Variants in NKAIN1 observed in about 807,000 individuals in gnomAD.
NKAIN1 encodes the protein sodium/potassium-transporting ATPase subunit beta-1-interacting protein 1.
Under a neutral mutation model 31.6 loss-of-function variants are expected in NKAIN1, and 13 were observed. The observed-to-expected ratio is 0.41, with a 90% CI of 0.27 to 0.65. The LOEUF (loss-of-function observed/expected upper bound fraction) is 0.65, where lower values mean the gene tolerates loss of function less well. NKAIN1 is among the 30% of genes least tolerant of loss of function. NKAIN1 has a pLI of 0.30. For missense variants in NKAIN1, 193 were observed against 262.2 expected (o/e 0.74, Z 1.82); for synonymous variants, 104 against 109.0 (o/e 0.95, Z 0.28).
intron 1 of NKAIN1, among the ~76,000 whole-genome samples, chr1:31,226,190 C>T (rs1645602924): frequency 6.6e-6 from 1 of 152,258 alleles, no homozygotes; most frequent in African/African-American, 2.4e-5. Context: ...CGTCAAGCAA[C>T]TTGCCCAGCA....
In NKAIN1 at chr1:31,200,099, A is replaced by ACACG. The variant is rs546822287; in HGVS notation, c.55-11916_55-11913dup. Among the ~76,000 whole-genome samples the ACACG allele has an allele frequency of 2.0e-4, 30 of 152,132 alleles. No individual in the cohort carries two copies. In the East Asian group the frequency reaches 4.6e-3, roughly 24 times the overall value. ...CACATGCGCGCACACGCATTCACAC[A>ACACG]CACGCACGCACGCACACCCCTCTCT... On this transcript the variant is annotated intron_variant, in intron 1 of 6. Coordinates refer to ENST00000373736, the MANE Select transcript of NKAIN1 (RefSeq NM_024522.3).
chr1:31,182,664 T>C, intron 4 of NKAIN1, 74 bp from the exon 5 acceptor site: 2 of 1,550,316 alleles, frequency 1.3e-6, no homozygotes, highest in South Asian at 1.1e-5. Context: ...CCGGGCCCTG[T>C]ACGCTCTGAC....
chr1:31,213,807 C>CA (rs1323797902), intron 1 of NKAIN1, among the ~76,000 whole-genome samples: 1 of 151,800 alleles, frequency 6.6e-6, no homozygotes, highest in African/African-American at 2.4e-5. Flanking sequence ...CCAGCCTGGG[C>CA]AATACAGGGA....
At chr1:31,207,114 A>G (rs866111627) in intron 1 of NKAIN1, among the ~76,000 whole-genome samples, 1 of 152,202 alleles carries the variant, frequency 6.6e-6, no homozygotes, top group Non-Finnish European at 1.5e-5. Context: ...CCTTGGTTTC[A>G]TACCAAGATC....
chr1:31,238,103 G>T (rs1412509064), intron 1 of NKAIN1, among the ~76,000 whole-genome samples: 1 of 152,174 alleles, frequency 6.6e-6, no homozygotes, highest in African/African-American at 2.4e-5. Flanking sequence ...GGCCAGTGGG[G>T]GGAAGTCACT....
At chr1:31,203,582 G>A (rs569883078) in intron 1 of NKAIN1, among the ~76,000 whole-genome samples, 2 of 108,600 alleles carry the variant, frequency 1.8e-5, no homozygotes, top group African/African-American at 2.9e-5. Flanking sequence ...TTACATCGAG[G>A]AGTAATTTTT....
intron 1 of NKAIN1, among the ~76,000 whole-genome samples, chr1:31,230,345 C>A (rs1045264902): frequency 2.0e-5 from 3 of 152,176 alleles, no homozygotes; most frequent in Non-Finnish European, 4.4e-5. Flanking sequence ...TGCTCAAGGT[C>A]ATCCAGCTAC....
chr1:31,185,032 A>G, intron 3 of NKAIN1: 2 of 545,992 alleles, frequency 3.7e-6, no homozygotes, highest in Non-Finnish European at 6.7e-6. Flanking sequence ...CTTCACATGG[A>G]CTGCTCTTCA....
intron 1 of NKAIN1, among the ~76,000 whole-genome samples, chr1:31,224,257 A>G (rs1291263172): frequency 6.6e-6 from 1 of 152,156 alleles, no homozygotes; most frequent in Non-Finnish European, 1.5e-5. Context: ...GCTTTCTTCC[A>G]GGCAGTTTCT....
chr1:31,226,523 CTTTTT>C (rs35709945), intron 1 of NKAIN1, among the ~76,000 whole-genome samples: 4 of 132,146 alleles, frequency 3.0e-5, no homozygotes, highest in Admixed American at 7.6e-5. Flanking sequence ...TGAAGAAAAT[CTTTTT>C]TTTTTTTTTT....
At chr1:31,185,860 G>A (rs747955553) in intron 2 of NKAIN1, among the ~76,000 whole-genome samples, 4 of 152,112 alleles carry the variant, frequency 2.6e-5, no homozygotes, top group Non-Finnish European at 5.9e-5. Context: ...ACTAGAGGGC[G>A]AGGACTCTGA....
chr1:31,237,083 C>T (rs1572814), intron 1 of NKAIN1, among the ~76,000 whole-genome samples: 147,821 of 152,156 alleles, frequency 0.97, 71,962 homozygotes, highest in East Asian at 1. Context: ...GTGAGACCCA[C>T]CTCTAAAACA....
chr1:31,220,483 G>C (rs182340527), intron 1 of NKAIN1, among the ~76,000 whole-genome samples: 4 of 151,928 alleles, frequency 2.6e-5, no homozygotes. Flanking sequence ...GGCCGGGCAC[G>C]GTGGCTCACG....
intron 1 of NKAIN1, among the ~76,000 whole-genome samples, chr1:31,207,071 C>G (rs977069782): frequency 2.6e-5 from 4 of 152,100 alleles, no homozygotes; most frequent in African/African-American, 9.7e-5. Context: ...AGTGCTGTGC[C>G]CACATGTGCC....
intron 1 of NKAIN1, among the ~76,000 whole-genome samples, chr1:31,212,458 G>A (rs1386366440): frequency 6.6e-6 from 1 of 150,720 alleles, no homozygotes; most frequent in Non-Finnish European, 1.5e-5. Flanking sequence ...AGGCTGGAGT[G>A]CAGTGGCACA....
intron 1 of NKAIN1, among the ~76,000 whole-genome samples, chr1:31,238,876 G>C (rs1441125730): frequency 2.0e-5 from 3 of 152,178 alleles, no homozygotes; most frequent in Non-Finnish European, 4.4e-5. Flanking sequence ...AGGACTGCCC[G>C]GTCAGGAAGG....
intron 1 of NKAIN1, among the ~76,000 whole-genome samples, chr1:31,212,960 G>A (rs903089061): frequency 1.3e-5 from 2 of 151,750 alleles, no homozygotes; most frequent in African/African-American, 4.8e-5. Context: ...TTGTGCCACT[G>A]TACTCCAGCC....
chr1:31,201,597 G>A (rs370057024), intron 1 of NKAIN1, among the ~76,000 whole-genome samples: 23 of 152,084 alleles, frequency 1.5e-4, no homozygotes, highest in East Asian at 9.7e-4. Flanking sequence ...TCCTGACCTC[G>A]TGATCCTCCC....
At chr1:31,182,433 C>G in intron 5 of NKAIN1, 97 bp downstream of exon 5, 3 of 1,421,326 alleles carry the variant, frequency 2.1e-6, no homozygotes, top group Non-Finnish European at 3.0e-6. Flanking sequence ...GTGGCCGACC[C>G]TGGGCTCCCT....
Sources: allele counts gnomAD v4.1 joint callset (sites outside exome capture counted in the v4.1 genomes callset), GRCh38; gene constraint gnomAD v4.1.1; transcripts MANE v1.5; gene names NCBI Gene and HGNC (gene_info 2026-07-23, HGNC 2026-07-21).